The following ATRN variants were observed in gnomAD, a reference collection of about 807,000 sequenced individuals.
The protein encoded by ATRN is attractin-2.
In ATRN, 54 loss-of-function variants were observed where a neutral mutation model predicts 178.7. That is an observed-to-expected ratio of 0.30 (90% CI 0.24 to 0.38). The LOEUF is 0.38. Among genes scored for constraint, ATRN ranks in the 10% least tolerant of loss-of-function variants. ATRN has a pLI of 1.00. For missense variants in ATRN, 1,443 were observed against 1,815.1 expected (o/e 0.79, Z 3.73); for synonymous variants, 636 against 663.0 (o/e 0.96, Z 0.63).
chr20:3,536,270 G>A (rs762605724), intron 2 of ATRN, among the ~76,000 whole-genome samples: 1 of 152,070 alleles, frequency 6.6e-6, no homozygotes, highest in Non-Finnish European at 1.5e-5. Context: ...GTGCAGTGGT[G>A]TGATCTTGGC....
At chr20:3,622,380 C>G (rs2086903252) in intron 24 of ATRN, among the ~76,000 whole-genome samples, 1 of 152,232 alleles carries the variant, frequency 6.6e-6, no homozygotes, top group African/African-American at 2.4e-5. Flanking sequence ...AACAGCGCTT[C>G]CACTAAAATC....
intron 24 of ATRN, among the ~76,000 whole-genome samples, chr20:3,621,666 C>T (rs1369092565): frequency 6.6e-6 from 1 of 152,056 alleles, no homozygotes; most frequent in African/African-American, 2.4e-5. Context: ...ATTTTCATTA[C>T]CTTCAGTATC....
chr20:3,546,003 A>G, intron 4 of ATRN, 113 bp downstream of exon 4: 1 of 1,183,216 alleles, frequency 8.5e-7, no homozygotes, highest in Admixed American at 2.2e-5. Context: ...CAGGCAGTTT[A>G]CATGGATTTT....
chr20:3,602,279 G>A (rs1262540542), intron 23 of ATRN, among the ~76,000 whole-genome samples: 4 of 151,326 alleles, frequency 2.6e-5, no homozygotes, highest in Admixed American at 6.6e-5. Flanking sequence ...GCTGTGAGCC[G>A]AGATCACGCC....
intron 1 of ATRN, among the ~76,000 whole-genome samples, chr20:3,527,551 C>T (rs979807902): frequency 6.6e-6 from 1 of 152,158 alleles, no homozygotes; most frequent in African/African-American, 2.4e-5. Context: ...TACCATTTGA[C>T]CCAGCAATCC....
At chr20:3,587,439 T>C (rs909761018) in intron 18 of ATRN, among the ~76,000 whole-genome samples, 3 of 151,930 alleles carry the variant, frequency 2.0e-5, no homozygotes, top group African/African-American at 7.3e-5. Flanking sequence ...AACTCTCTTC[T>C]TGCCTGTGGA....
At position 3,644,214 on chromosome 20, in the gene ATRN, G is replaced by C. The variant is rs2087090433; in HGVS notation, c.4111G>C (p.Val1371Leu). The change falls in exon 28 of 29, where the codon GTG (valine) becomes CTG (leucine). Residue 1371 changes from valine to leucine, a missense_variant. Val to Leu is a conservative substitution (Grantham distance 32). Transcript: ENST00000262919. ...TGGCAACAAAGCCGCTGTCCTCTCT[G>C]TGTTTGTGAGGCTCCCTCGAGGCCT... is the stretch of plus-strand genomic sequence containing the variant. Reference protein sequence around the residue: ...CFGNKAAVLSVFVRLPRGLGG... With the variant: ...CFGNKAAVLSLFVRLPRGLGG... The C allele has an allele frequency of 6.2e-7, 1 of 1,614,102 alleles. No homozygotes were observed. Among genetic ancestry groups the C allele is most frequent in the Non-Finnish European group, 8.5e-7 (1 of 1,180,050 alleles).
At chr20:3,525,035 A>G (rs1263277370) in intron 1 of ATRN, among the ~76,000 whole-genome samples, 1 of 152,096 alleles carries the variant, frequency 6.6e-6, no homozygotes, top group Non-Finnish European at 1.5e-5. Context: ...AAGCTAGCAG[A>G]CAAGAAATAA....
At chr20:3,500,721 G>A (rs1055407996) in intron 1 of ATRN, among the ~76,000 whole-genome samples, 1 of 150,584 alleles carries the variant, frequency 6.6e-6, no homozygotes, top group African/African-American at 2.4e-5. Context: ...AGCATTGGGA[G>A]ACATACCTAA....
intron 18 of ATRN, among the ~76,000 whole-genome samples, chr20:3,588,981 G>GTTGT (rs1555821600): frequency 1.0e-5 from 1 of 99,774 alleles, no homozygotes; most frequent in Non-Finnish European, 1.8e-5. Context: ...ATTTTCTTTT[G>GTTGT]TTTTTTTTTT....
intron 12 of ATRN, among the ~76,000 whole-genome samples, chr20:3,573,996 G>A (rs780404489): frequency 7.2e-5 from 11 of 151,994 alleles, no homozygotes; most frequent in African/African-American, 9.7e-5. Flanking sequence ...CCTCAGCCTC[G>A]CAAAGTGTTG....
intron 3 of ATRN, among the ~76,000 whole-genome samples, chr20:3,541,076 A>ATTT (rs1331876349): frequency 2.5e-5 from 3 of 119,040 alleles, no homozygotes; most frequent in Non-Finnish European, 3.6e-5. Context: ...ATGATAGAGG[A>ATTT]TTTTTTTTTT....
Position 3,547,412 on chromosome 20 carries a change from A to T in ATRN, c.866A>T (p.Asp289Val), listed in dbSNP as rs1270737925. Reference protein sequence around the residue: ...GEACDIPHCTDNCGFPHRGIC... With the variant: ...GEACDIPHCTVNCGFPHRGIC... Reference sequence around the variant, plus strand: ...GCATGTGACATTCCTCACTGTACAGACAACTGTGGTTTTCCTCATCGAGGC... The same window carrying T: ...GCATGTGACATTCCTCACTGTACAGTCAACTGTGGTTTTCCTCATCGAGGC... The change falls in exon 5 of 29, where the codon GAC becomes GTC. Residue 289 changes from aspartate (D) to valine (V), a missense_variant. Transcript: ENST00000262919. The T allele has an allele frequency of 6.2e-7, 1 of 1,613,996 alleles. No individual in the cohort carries two copies. The highest frequency in any genetic ancestry group is 8.5e-7 in the Non-Finnish European group (1 of 1,179,960).
At chr20:3,543,775 G>A (rs968755750) in intron 3 of ATRN, among the ~76,000 whole-genome samples, 18 of 151,926 alleles carry the variant, frequency 1.2e-4, no homozygotes, top group African/African-American at 4.4e-4. Context: ...GCTCAGGCCT[G>A]TAACCCCAAC....
intron 1 of ATRN, chr20:3,490,192 T>G: frequency 6.6e-7 from 1 of 1,519,132 alleles, no homozygotes; most frequent in African/African-American, 1.4e-5. Flanking sequence ...TCTTCTACGG[T>G]CCGCCACATT....
chr20:3,515,864 A>C (rs1008840658), intron 1 of ATRN, among the ~76,000 whole-genome samples: 1 of 152,122 alleles, frequency 6.6e-6, no homozygotes, highest in Non-Finnish European at 1.5e-5. Context: ...AGACGATGCA[A>C]CTCTGAATGG....
chr20:3,553,129 T>C (rs994632767), intron 6 of ATRN, among the ~76,000 whole-genome samples: 1 of 152,124 alleles, frequency 6.6e-6, no homozygotes, highest in African/African-American at 2.4e-5. Context: ...TTAGAATCTG[T>C]CCCAAATCTG....
intron 1 of ATRN, among the ~76,000 whole-genome samples, chr20:3,517,962 C>T (rs967602987): frequency 1.3e-5 from 2 of 152,174 alleles, no homozygotes; most frequent in African/African-American, 4.8e-5. Flanking sequence ...CCTTTATTTT[C>T]AACATCTGAA....
chr20:3,540,707 G>T (rs940981519), intron 3 of ATRN, among the ~76,000 whole-genome samples: 1 of 152,144 alleles, frequency 6.6e-6, no homozygotes, highest in Non-Finnish European at 1.5e-5. Flanking sequence ...TATCCATCAT[G>T]TTCCTTGTGT....
Sources: allele counts gnomAD v4.1 joint callset (sites outside exome capture counted in the v4.1 genomes callset), GRCh38; gene constraint gnomAD v4.1.1; transcripts MANE v1.5; gene names NCBI Gene and HGNC (gene_info 2026-07-23, HGNC 2026-07-21).